GAP43: variants seen among roughly 807,000 people sequenced by gnomAD.
GAP43 encodes the protein growth associated protein 43, also known as neuromodulin.
In GAP43, 6 loss-of-function variants were observed where a neutral mutation model predicts 18.6. The observed-to-expected ratio is 0.32, with a 90% CI of 0.18 to 0.64. The LOEUF is 0.64. GAP43 is among the 30% of genes least tolerant of loss of function. GAP43 has a pLI of 0.78. For missense variants in GAP43, 292 were observed against 295.5 expected (o/e 0.99, Z 0.09); for synonymous variants, 115 against 111.4 (o/e 1.03, Z -0.20).
intron 2 of GAP43, among the ~76,000 whole-genome samples, chr3:115,716,324 G>A (rs1709501660): frequency 6.6e-6 from 1 of 152,112 alleles, no homozygotes; most frequent in African/African-American, 2.4e-5. Flanking sequence ...CTTGGATTCT[G>A]TTTATAATAA....
chr3:115,629,311 T>C (rs1449015154), intron 1 of GAP43, among the ~76,000 whole-genome samples: 1 of 152,202 alleles, frequency 6.6e-6, no homozygotes, highest in African/African-American at 2.4e-5. Context: ...AATCGGGTTT[T>C]GTTATTTTCT....
chr3:115,658,457 G>A (rs945111547), intron 1 of GAP43: 3 of 152,124 alleles, frequency 2.0e-5, no homozygotes, highest in African/African-American at 7.2e-5. Context: ...GCGTTCCCTC[G>A]GCGGCTCTGC....
At chr3:115,696,590 CA>C (rs1709194714) in intron 2 of GAP43, among the ~76,000 whole-genome samples, 1 of 129,048 alleles carries the variant, frequency 7.7e-6, no homozygotes. Flanking sequence ...CCCCCCCCCC[CA>C]CAAACAGGTA....
intron 1 of GAP43, among the ~76,000 whole-genome samples, chr3:115,667,136 T>C (rs1039356577): frequency 6.6e-6 from 1 of 152,196 alleles, no homozygotes; most frequent in Non-Finnish European, 1.5e-5. Flanking sequence ...ACATTTTTTT[T>C]TAGTATCAAC....
chr3:115,663,498 A>C (rs1708693039), intron 1 of GAP43: 1 of 1,175,458 alleles, frequency 8.5e-7, no homozygotes, highest in South Asian at 3.0e-5. Flanking sequence ...CTGCTCTCTG[A>C]TATTTTTCTC....
intron 2 of GAP43, among the ~76,000 whole-genome samples, chr3:115,703,287 A>G (rs1709319292): frequency 6.6e-6 from 1 of 152,092 alleles, no homozygotes; most frequent in Admixed American, 6.6e-5. Flanking sequence ...GAAGAGGAAA[A>G]TAAGATGTTT....
At position 115,676,121 on chromosome 3, in the gene GAP43, A is replaced by T. The variant is rs1220538649; in HGVS notation, c.139A>T (p.Thr47Ser). Residue 47 changes from threonine (T) to serine (S), a missense_variant, in exon 2 of 3, where the codon ACA becomes TCA. Transcript: ENST00000305124. ...KIQASFRGHITRKKLKGEKKD... is the reference protein window; with the variant it reads ...KIQASFRGHISRKKLKGEKKD... ...TCAGGCTAGCTTCCGTGGACACATA[A>T]CAAGGAAAAAGCTCAAAGGAGAGAA... 2 of 1,614,178 alleles carry T rather than the reference A, an allele frequency of 1.2e-6. No individual in the cohort carries two copies. Among genetic ancestry groups the T allele is most frequent in the Admixed American group, 1.7e-5 (1 of 60,026 alleles).
chr3:115,691,037 GA>G (rs1709105340), intron 2 of GAP43, among the ~76,000 whole-genome samples: 1 of 151,940 alleles, frequency 6.6e-6, no homozygotes, highest in African/African-American at 2.4e-5. Flanking sequence ...TTACAGGCAT[GA>G]GCCACTGCGC....
intron 2 of GAP43, among the ~76,000 whole-genome samples, chr3:115,709,844 C>CACAT (rs1709411307): frequency 6.8e-6 from 1 of 147,960 alleles, no homozygotes; most frequent in Non-Finnish European, 1.5e-5. Context: ...CATGAACATA[C>CACAT]ATATATATAT....
intron 1 of GAP43, among the ~76,000 whole-genome samples, chr3:115,666,466 G>A (rs1334528729): frequency 2.6e-5 from 4 of 152,038 alleles, no homozygotes; most frequent in Admixed American, 6.5e-5. Flanking sequence ...TTAATGTCAC[G>A]ATGCTCTAGA....
intron 2 of GAP43, among the ~76,000 whole-genome samples, chr3:115,689,768 G>A (rs1709080730): frequency 6.6e-6 from 1 of 152,104 alleles, no homozygotes; most frequent in Non-Finnish European, 1.5e-5. Flanking sequence ...AAGAATAATG[G>A]GGTAGAAAAT....
At chr3:115,696,976 G>A (rs1041865383) in intron 2 of GAP43, among the ~76,000 whole-genome samples, 3 of 151,754 alleles carry the variant, frequency 2.0e-5, no homozygotes, top group Non-Finnish European at 4.4e-5. Context: ...GGCACTACAG[G>A]CGCCCACCAC....
At chr3:115,693,828 T>G (rs1289704495) in intron 2 of GAP43, among the ~76,000 whole-genome samples, 1 of 152,150 alleles carries the variant, frequency 6.6e-6, no homozygotes, top group Non-Finnish European at 1.5e-5. Context: ...ATTGAAATGA[T>G]CCTTTCCTGC....
chr3:115,710,385 T>G (rs1381412865), intron 2 of GAP43, among the ~76,000 whole-genome samples: 1 of 152,220 alleles, frequency 6.6e-6, no homozygotes, highest in Non-Finnish European at 1.5e-5. Context: ...TTAGATATTT[T>G]AACTCAAATA....
intron 1 of GAP43, among the ~76,000 whole-genome samples, chr3:115,626,988 T>G (rs986742525): frequency 1.3e-5 from 2 of 151,954 alleles, no homozygotes; most frequent in Admixed American, 6.6e-5. Context: ...CTCAGGGACT[T>G]AGTGAATTAA....
chr3:115,673,306 A>G (rs960568437), intron 1 of GAP43, among the ~76,000 whole-genome samples: 3 of 152,272 alleles, frequency 2.0e-5, no homozygotes, highest in South Asian at 2.1e-4. Flanking sequence ...TGTTTATATC[A>G]TGTAGACTCT....
chr3:115,686,677 C>T (rs1196280009), intron 2 of GAP43, among the ~76,000 whole-genome samples: 1 of 152,176 alleles, frequency 6.6e-6, no homozygotes, highest in East Asian at 1.9e-4. Context: ...CTTAAAACCT[C>T]TTTCTCATGA....
At chr3:115,697,650 A>G (rs1709213898) in intron 2 of GAP43, among the ~76,000 whole-genome samples, 1 of 152,160 alleles carries the variant, frequency 6.6e-6, no homozygotes, top group Non-Finnish European at 1.5e-5. Context: ...AAAGCAGAGA[A>G]CCATTTTAGC....
chr3:115,661,875 G>C (rs190757842), intron 1 of GAP43, among the ~76,000 whole-genome samples: 13 of 124,376 alleles, frequency 1.0e-4, no homozygotes, highest in African/African-American at 3.4e-4. Context: ...GCAAACCACA[G>C]GGCATGCTCA....
Sources: gnomAD v4.1 joint callset for allele counts (sites outside exome capture counted in the v4.1 genomes callset) on GRCh38, gnomAD v4.1.1 for gene constraint, MANE v1.5 for transcripts, NCBI Gene and HGNC (gene_info 2026-07-23, HGNC 2026-07-21) for gene names.